TMEM108: variants seen among roughly 807,000 people sequenced by gnomAD.
The protein encoded by TMEM108 is transmembrane protein 108, also known as cancer/testis antigen 124.
In TMEM108, 12 loss-of-function variants were observed where a neutral mutation model predicts 35.1. The observed-to-expected ratio is 0.34, with a 90% CI of 0.22 to 0.55. TMEM108 has a LOEUF of 0.55. Ranked by LOEUF, TMEM108 falls within the 20% of genes least tolerant of loss-of-function variation. TMEM108 has a pLI of 0.89. For missense variants in TMEM108, 680 were observed against 753.3 expected, an observed-to-expected ratio of 0.90 and a Z score of 1.14; for synonymous variants, 287 against 308.6, an observed-to-expected ratio of 0.93 and a Z score of 0.73.
intron 3 of TMEM108, among the ~76,000 whole-genome samples, chr3:133,274,302 C>G (rs1236981646): frequency 6.6e-6 from 1 of 152,176 alleles, no homozygotes; most frequent in East Asian, 1.9e-4. Flanking sequence ...GTAGAGAATC[C>G]TGTTAGGACA....
Position 133,380,303 on chromosome 3 carries a change from C to T in TMEM108, c.592C>T (p.Arg198Ter). 2 of 1,614,100 alleles carry T rather than the reference C, an allele frequency of 1.2e-6. No homozygotes were observed. Among genetic ancestry groups the T allele is most frequent in the Non-Finnish European group, 1.7e-6 (2 of 1,179,998 alleles). ...GGHSRSKEGQ[R>*]GRNPSSTPLG... ...CCACTCCAGGAGTAAAGAAGGACAG[C>T]GAGGACGAAATCCAAGCTCCACACC... Residue 198 changes from arginine (R) to a stop codon, truncating the protein, a stop_gained, in exon 4 of 6, where the codon CGA (arginine) becomes TGA (stop). Coordinates refer to ENST00000321871, the MANE Select transcript of TMEM108 (RefSeq NM_023943.4). LOFTEE classifies it high-confidence loss of function. This position sits in a 1 kb window ranked among gnomAD's most constrained non-coding sequence, Gnocchi z 5.3.
intron 5 of TMEM108, among the ~76,000 whole-genome samples, chr3:133,392,011 G>T (rs113455273): frequency 0.017 from 2,564 of 152,068 alleles, 82 homozygotes; most frequent in African/African-American, 0.058. Context: ...TGCAGCACTG[G>T]CACTGTCACA....
At chr3:133,226,079 T>C (rs538827105) in intron 2 of TMEM108, among the ~76,000 whole-genome samples, 2 of 152,346 alleles carry the variant, frequency 1.3e-5, no homozygotes, top group South Asian at 4.1e-4. Flanking sequence ...TTACAGGTCA[T>C]AGGTGTATTC....
chr3:133,185,784 C>CTTTTCTTTT lies in TMEM108; in HGVS notation c.-46-43478_-46-43477insCTTTTTTTT, dbSNP rs1441056931. Among the ~76,000 whole-genome samples the CTTTTCTTTT allele has an allele frequency of 1.1e-3, 142 of 127,114 alleles. 4 individuals carry two copies. The East Asian group carries it at 0.019, about 17-fold the overall frequency. The allele number at this position is 127,114 out of a possible 152,430, so 83.4% of individuals were successfully genotyped here. A position where few individuals can be genotyped will look rare whatever the true frequency, so the allele number is the denominator to read the frequency against. On this transcript the variant is annotated intron_variant, in intron 2 of 5. Transcript: ENST00000321871. Reference sequence around the variant, plus strand: ...CGTTTCTTTTCTTTTCTTTTCTTTTCTTTTTTTTTTTTTTTGAGACAGAGT... The same window carrying CTTTTCTTTT: ...CGTTTCTTTTCTTTTCTTTTCTTTTCTTTTCTTTTTTTTTTTTTTTTTTTGAGACAGAGT...
At chr3:133,347,624 C>T (rs1287752111) in intron 3 of TMEM108, among the ~76,000 whole-genome samples, 1 of 151,976 alleles carries the variant, frequency 6.6e-6, no homozygotes, top group African/African-American at 2.4e-5. Context: ...CTTGTAGTTC[C>T]TTTTCTTGCT....
intron 2 of TMEM108, among the ~76,000 whole-genome samples, chr3:133,052,330 T>C (rs1377824162): frequency 2.0e-5 from 3 of 152,156 alleles, no homozygotes; most frequent in Non-Finnish European, 4.4e-5. Flanking sequence ...TATATTATTC[T>C]AGTATCCTGC....
chr3:133,298,186 CT>C (rs1180878142), intron 3 of TMEM108, among the ~76,000 whole-genome samples: 1 of 152,128 alleles, frequency 6.6e-6, no homozygotes, highest in Non-Finnish European at 1.5e-5. Flanking sequence ...ATCTGTCTTT[CT>C]CTTTGAAGAT....
intron 2 of TMEM108, among the ~76,000 whole-genome samples, chr3:133,099,250 G>T (rs1944055431): frequency 6.6e-6 from 1 of 152,216 alleles, no homozygotes; most frequent in Non-Finnish European, 1.5e-5. Context: ...GCTCCTTTCA[G>T]CCATGGCTGG....
intron 2 of TMEM108, among the ~76,000 whole-genome samples, chr3:133,225,579 T>C (rs1946058534): frequency 6.6e-6 from 1 of 152,104 alleles, no homozygotes; most frequent in Admixed American, 6.5e-5. Context: ...TTTGATGAGA[T>C]CAAGTCAGTC....
chr3:133,058,266 A>G (rs1251931609), intron 2 of TMEM108, among the ~76,000 whole-genome samples: 1 of 152,184 alleles, frequency 6.6e-6, no homozygotes, highest in Non-Finnish European at 1.5e-5. Flanking sequence ...TCAGCTAATC[A>G]GAACTTTTCT....
chr3:133,094,618 A>T, intron 2 of TMEM108, among the ~76,000 whole-genome samples: 1 of 152,178 alleles, frequency 6.6e-6, no homozygotes. Context: ...TATGGCACCC[A>T]GTAGACTTCT....
At chr3:133,386,040 T>C (rs2073139605) in intron 4 of TMEM108, among the ~76,000 whole-genome samples, 1 of 152,162 alleles carries the variant, frequency 6.6e-6, no homozygotes, top group Non-Finnish European at 1.5e-5. Flanking sequence ...GGAAGAGTCT[T>C]AGACTACAGT....
chr3:133,276,843 G>C (rs1054687403), intron 3 of TMEM108, among the ~76,000 whole-genome samples: 8 of 152,186 alleles, frequency 5.3e-5, no homozygotes, highest in Non-Finnish European at 2.9e-5. Flanking sequence ...TCTGTAAACA[G>C]CGTCATTCCC....
chr3:133,147,310 C>G (rs957170899), intron 2 of TMEM108, among the ~76,000 whole-genome samples: 2 of 152,160 alleles, frequency 1.3e-5, no homozygotes, highest in African/African-American at 4.8e-5. Flanking sequence ...TTTGATTCCA[C>G]TGTGGTCTGA....
intron 2 of TMEM108, among the ~76,000 whole-genome samples, chr3:133,112,518 G>C (rs531512448): frequency 6.6e-6 from 1 of 152,126 alleles, no homozygotes; most frequent in South Asian, 2.1e-4. Flanking sequence ...CATGTATAAA[G>C]AATACTAAAA....
chr3:133,359,265 G>T (rs1356493789), intron 3 of TMEM108, among the ~76,000 whole-genome samples: 1 of 152,158 alleles, frequency 6.6e-6, no homozygotes. Flanking sequence ...TGGAAACCCT[G>T]CTTTTTAATT....
intron 3 of TMEM108, among the ~76,000 whole-genome samples, chr3:133,254,308 G>A (rs1033306688): frequency 3.3e-5 from 5 of 152,200 alleles, no homozygotes; most frequent in African/African-American, 1.2e-4. Context: ...AAAAAATAGT[G>A]ACAACAAAGG....
chr3:133,364,256 A>G (rs2072440098), intron 3 of TMEM108, among the ~76,000 whole-genome samples: 1 of 152,204 alleles, frequency 6.6e-6, no homozygotes. Flanking sequence ...TTCCTGCTCA[A>G]CTACAACTCC....
At chr3:133,174,465 C>T (rs1248794911) in intron 2 of TMEM108, among the ~76,000 whole-genome samples, 1 of 152,184 alleles carries the variant, frequency 6.6e-6, no homozygotes, top group African/African-American at 2.4e-5. Context: ...GCCGGATACT[C>T]CTCTGAGACA....
Sources: gnomAD v4.1 joint callset for allele counts (sites outside exome capture counted in the v4.1 genomes callset) on GRCh38, gnomAD v4.1.1 for gene constraint, Gnocchi (gnomAD v3.1) non-coding constraint, MANE v1.5 for transcripts, NCBI Gene and HGNC (gene_info 2026-07-23, HGNC 2026-07-21) for gene names.